COL24A1: variants seen among roughly 807,000 people sequenced by gnomAD.
COL24A1 encodes the protein collagen alpha-1(XXIV) chain.
In COL24A1, 224 loss-of-function variants were observed where a neutral mutation model predicts 253.9. The ratio of observed to expected loss-of-function variants is 0.88; its 90% CI spans 0.79 to 0.99. COL24A1 has a LOEUF of 0.99. Ranked by LOEUF, COL24A1 falls within the 50% of genes least tolerant of loss-of-function variation. COL24A1 has a pLI of 0.00. For synonymous variants in COL24A1, 685 were observed against 673.7 expected (o/e 1.02, Z -0.26); for missense variants, 2,131 against 2,068.5 (o/e 1.03, Z -0.59).
chr1:85,773,931 G>T (rs1029856819), intron 53 of COL24A1, among the ~76,000 whole-genome samples: 1 of 152,118 alleles, frequency 6.6e-6, no homozygotes, highest in South Asian at 2.1e-4. Context: ...GTGAGAGAGG[G>T]TATCCTTGTC....
At chr1:85,763,756 A>G (rs7518312) in intron 53 of COL24A1, among the ~76,000 whole-genome samples, 46,886 of 151,826 alleles carry the variant, frequency 0.31, 7,808 homozygotes, top group East Asian at 0.49. Flanking sequence ...TGGCCTCCCA[A>G]AGTGCTGGGA....
chr1:85,951,775 A>G (rs929333500), intron 24 of COL24A1, among the ~76,000 whole-genome samples: 7 of 152,204 alleles, frequency 4.6e-5, no homozygotes, highest in African/African-American at 1.7e-4. Context: ...CCAGAAAAAC[A>G]TAGATTCCAA....
rs1289514134 is a variant in COL24A1, at chr1:86,092,279, A to G, written c.1641T>C (p.Val547=). Reference sequence around the variant, plus strand: ...GTCAAATAATTACCTTTTCTCCAGGAACAGGTTGACCTGGGGAAAATCCTG... The same window carrying G: ...GTCAAATAATTACCTTTTCTCCAGGGACAGGTTGACCTGGGGAAAATCCTG... ...GDPGFSPGQP[V]PGEKGDQGLS... The change falls in exon 6 of 60, where the codon GTT becomes GTC. Residue 547 remains valine, a synonymous_variant. Transcript: ENST00000370571. 1.2e-6 allele frequency: 2 copies of G among 1,602,842 alleles called. No individual in the cohort carries two copies. Among genetic ancestry groups the G allele is most frequent in the East Asian group, 4.5e-5 (2 of 44,726 alleles).
chr1:85,906,811 A>G lies in COL24A1; in HGVS notation c.2778+383T>C, dbSNP rs199657849. The stretch of plus-strand genomic sequence containing the variant: ...TATTCATCTTGTGTATCTTTGTTCC[A>G]CTTCTTATTGCTTTTATTTTGTCAT... On this transcript the variant is annotated intron_variant, in intron 28 of 59. Transcript: ENST00000370571. Among the ~76,000 whole-genome samples the G allele has an allele frequency of 4.1e-4, 63 of 151,868 alleles. No individual in the cohort carries two copies. The East Asian group carries it at 0.012, about 29-fold the overall frequency.
intron 7 of COL24A1, among the ~76,000 whole-genome samples, chr1:86,082,407 G>T (rs1184527477): frequency 6.6e-6 from 1 of 151,610 alleles, no homozygotes; most frequent in Admixed American, 6.6e-5. Flanking sequence ...TAGCATACTT[G>T]TCCACTAGGT....
intron 8 of COL24A1, 129 bp from the exon 9 acceptor site, chr1:86,059,303 C>A: frequency 3.9e-6 from 2 of 517,884 alleles, no homozygotes; most frequent in South Asian, 9.3e-5. Context: ...GCTTATGTAA[C>A]TGAAATCACC....
chr1:85,799,113 TC>T (rs1671124805), intron 47 of COL24A1, among the ~76,000 whole-genome samples: 1 of 151,690 alleles, frequency 6.6e-6, no homozygotes, highest in Non-Finnish European at 1.5e-5. Flanking sequence ...ACGGTGAGCC[TC>T]CCCTGTACTG....
intron 10 of COL24A1, among the ~76,000 whole-genome samples, chr1:86,056,354 T>C (rs1700661074): frequency 6.6e-6 from 1 of 152,154 alleles, no homozygotes; most frequent in Admixed American, 6.6e-5. Flanking sequence ...GCTATAACTT[T>C]GCCAGATCAA....
At chr1:85,885,397 A>ATATATAT (rs60994639) in intron 32 of COL24A1, among the ~76,000 whole-genome samples, 1 of 128,902 alleles carries the variant, frequency 7.8e-6, no homozygotes, top group African/African-American at 2.9e-5. Context: ...ATATATATAT[A>ATATATAT]TTTTTTTTTT....
At chr1:86,013,783 C>A (rs1289040327) in intron 19 of COL24A1, among the ~76,000 whole-genome samples, 1 of 152,186 alleles carries the variant, frequency 6.6e-6, no homozygotes, top group Non-Finnish European at 1.5e-5. Flanking sequence ...TTGCAATGAG[C>A]CCAGACGGCA....
chr1:85,863,973 A>C (rs896044255), intron 37 of COL24A1, among the ~76,000 whole-genome samples: 38 of 152,144 alleles, frequency 2.5e-4, no homozygotes, highest in Admixed American at 2.1e-3. Flanking sequence ...CTAGTTCAAC[A>C]ATTGTGGAAA....
chr1:86,052,249 A>G (rs1171966363), intron 10 of COL24A1, among the ~76,000 whole-genome samples: 1 of 152,166 alleles, frequency 6.6e-6, no homozygotes, highest in Non-Finnish European at 1.5e-5. Context: ...CAAATACTGA[A>G]GAATTCAAGC....
rs749073880 is a variant in COL24A1, at chr1:85,730,633, T to C, written c.5058A>G (p.Gln1686=). Reference sequence around the variant, plus strand: ...GTTTTTGTACTTCAATCACTGGAAGTTGATTAGGTTCCTGGGTGTGAAAAA... The same window carrying C: ...GTTTTTGTACTTCAATCACTGGAAGCTGATTAGGTTCCTGGGTGTGAAAAA... ...TFLFHTQEPN[Q]LPVIEVQKLP... is the part of the protein sequence containing the mutation. The change falls in exon 60 of 60, where the codon CAA becomes CAG. Residue 1686 remains glutamine (Q), a synonymous_variant. Transcript: ENST00000370571. 4 of 1,614,014 alleles carry C rather than the reference T, an allele frequency of 2.5e-6. No homozygotes were observed. The highest frequency in any genetic ancestry group is 2.7e-5 in the African/African-American group (2 of 75,046).
chr1:85,915,253 T>C (rs1571202415), intron 24 of COL24A1, among the ~76,000 whole-genome samples: 1 of 152,210 alleles, frequency 6.6e-6, no homozygotes, highest in Admixed American at 6.5e-5. Flanking sequence ...TAGGACAGCA[T>C]TGACTCCTAG....
At chr1:85,959,903 C>T (rs1690848016) in intron 24 of COL24A1, among the ~76,000 whole-genome samples, 1 of 152,108 alleles carries the variant, frequency 6.6e-6, no homozygotes, top group Non-Finnish European at 1.5e-5. Context: ...ATTTGTCACT[C>T]AGAAATGGCA....
At chr1:86,025,181 G>A (rs1290017066) in intron 14 of COL24A1, among the ~76,000 whole-genome samples, 1 of 152,106 alleles carries the variant, frequency 6.6e-6, no homozygotes, top group Non-Finnish European at 1.5e-5. Context: ...TTCTACCAAG[G>A]TAACCTGAAA....
At chr1:85,961,199 C>G (rs376826908) in intron 24 of COL24A1, 50 bp downstream of exon 24, 28 of 1,361,606 alleles carry the variant, frequency 2.1e-5, no homozygotes, top group Non-Finnish European at 2.9e-5. Context: ...AATATGATTC[C>G]TAAAAATGCT....
At chr1:86,067,263 A>G (rs1236278270) in intron 7 of COL24A1, among the ~76,000 whole-genome samples, 1 of 152,184 alleles carries the variant, frequency 6.6e-6, no homozygotes, top group Non-Finnish European at 1.5e-5. Flanking sequence ...TAAAACAAAG[A>G]TGGGACTCTG....
At chr1:86,005,961 C>T (rs1460745960) in intron 19 of COL24A1, among the ~76,000 whole-genome samples, 1 of 152,004 alleles carries the variant, frequency 6.6e-6, no homozygotes, top group African/African-American at 2.4e-5. Flanking sequence ...CAATACAGCA[C>T]CAACTGTATT....
Sources: allele counts gnomAD v4.1 joint callset (sites outside exome capture counted in the v4.1 genomes callset), GRCh38; gene constraint gnomAD v4.1.1; transcripts MANE v1.5; gene names NCBI Gene and HGNC (gene_info 2026-07-23, HGNC 2026-07-21).